Variants in GRIK1 observed in about 807,000 individuals in gnomAD.
GRIK1 encodes the protein glutamate receptor ionotropic, kainate 1.
A neutral mutation model predicts 105.7 loss-of-function variants in GRIK1; 69 were observed. The ratio of observed to expected loss-of-function variants is 0.65; its 90% CI spans 0.54 to 0.80. The LOEUF is 0.80. Among genes scored for constraint, GRIK1 ranks in the 30% least tolerant of loss-of-function variants. The pLI is 0.00. For missense variants in GRIK1, 1,109 were observed against 1,167.3 expected (o/e 0.95, Z 0.73); for synonymous variants, 438 against 431.3 (o/e 1.02, Z -0.19).
At chr21:29,711,880 T>C (rs977263320) in intron 1 of GRIK1, among the ~76,000 whole-genome samples, 2 of 151,884 alleles carry the variant, frequency 1.3e-5, no homozygotes, top group African/African-American at 4.8e-5. Flanking sequence ...AGCTCAAGTA[T>C]GTTACTGAAA....
chr21:29,559,986 A>T (rs2090351199), intron 15 of GRIK1, among the ~76,000 whole-genome samples: 1 of 152,104 alleles, frequency 6.6e-6, no homozygotes, highest in Non-Finnish European at 1.5e-5. Context: ...TGCTTTGCTC[A>T]CTTATGGTAT....
chr21:29,883,388 A>T (rs1416360224), intron 1 of GRIK1, among the ~76,000 whole-genome samples: 2 of 151,996 alleles, frequency 1.3e-5, no homozygotes, highest in Non-Finnish European at 2.9e-5. Context: ...AAGTATATAG[A>T]TTTGCAATGG....
At chr21:29,629,614 G>A (rs1244604172) in intron 7 of GRIK1, among the ~76,000 whole-genome samples, 2 of 151,582 alleles carry the variant, frequency 1.3e-5, no homozygotes, top group Non-Finnish European at 2.9e-5. Flanking sequence ...CTCAGCATCC[G>A]GAGTAGCTGG....
chr21:29,619,681 C>T (rs887545574), intron 7 of GRIK1, among the ~76,000 whole-genome samples: 2 of 152,096 alleles, frequency 1.3e-5, no homozygotes, highest in African/African-American at 2.4e-5. Flanking sequence ...AAAGGAAAAA[C>T]TCATATTCAA....
chr21:29,550,117 A>C, intron 16 of GRIK1, among the ~76,000 whole-genome samples: 1 of 132,218 alleles, frequency 7.6e-6, no homozygotes. Flanking sequence ...CAAAAAAAAA[A>C]AAAAAAAAAA....
intron 1 of GRIK1, among the ~76,000 whole-genome samples, chr21:29,919,525 C>T (rs546307281): frequency 2.0e-5 from 3 of 152,080 alleles, no homozygotes; most frequent in Non-Finnish European, 4.4e-5. Context: ...ATAGGTTATA[C>T]TTTCTTGAGC....
chr21:29,784,997 G>A (rs1182997922), intron 1 of GRIK1, among the ~76,000 whole-genome samples: 1 of 152,120 alleles, frequency 6.6e-6, no homozygotes, highest in Non-Finnish European at 1.5e-5. Context: ...TTTGACTTAG[G>A]TTTTAATAAT....
At chr21:29,661,505 C>T (rs528496105) in intron 4 of GRIK1, among the ~76,000 whole-genome samples, 15 of 152,088 alleles carry the variant, frequency 9.9e-5, no homozygotes, top group African/African-American at 2.9e-4. Context: ...GAGTGTGATG[C>T]GGGGCCACAA....
intron 1 of GRIK1, among the ~76,000 whole-genome samples, chr21:29,918,617 T>C (rs2086722637): frequency 6.6e-6 from 1 of 152,088 alleles, no homozygotes; most frequent in African/African-American, 2.4e-5. Context: ...TAATGTGAAA[T>C]GTGTGTGTGT....
At chr21:29,778,317 AT>A (rs1165201226) in intron 1 of GRIK1, among the ~76,000 whole-genome samples, 4 of 152,210 alleles carry the variant, frequency 2.6e-5, no homozygotes, top group African/African-American at 9.6e-5. Context: ...GATAAAGCCG[AT>A]TTGTTGTTTT....
At chr21:29,799,644 G>A (rs1400514424) in intron 1 of GRIK1, among the ~76,000 whole-genome samples, 2 of 152,056 alleles carry the variant, frequency 1.3e-5, no homozygotes, top group East Asian at 1.9e-4. Context: ...ATTCTCTTGC[G>A]TTAACCTCCC....
chr21:29,816,536 C>T (rs1412711166), intron 1 of GRIK1, among the ~76,000 whole-genome samples: 3 of 152,078 alleles, frequency 2.0e-5, no homozygotes, highest in Middle Eastern at 3.2e-3. Flanking sequence ...ATGGAATCAA[C>T]CCTCAGTGTC....
chr21:29,629,341 A>G (rs1360547459), intron 7 of GRIK1, among the ~76,000 whole-genome samples: 1 of 152,046 alleles, frequency 6.6e-6, no homozygotes, highest in Non-Finnish European at 1.5e-5. Context: ...TAGCAGAGGA[A>G]AAAAGATGGA....
intron 1 of GRIK1, among the ~76,000 whole-genome samples, chr21:29,813,230 T>C (rs1329488915): frequency 6.6e-6 from 1 of 152,184 alleles, no homozygotes; most frequent in Non-Finnish European, 1.5e-5. Context: ...ATTGTAAATA[T>C]TGACTTAACA....
In GRIK1 at chr21:29,839,997, C is replaced by T. The variant is rs539598457; in HGVS notation, c.118+99386G>A. 2.0e-5 allele frequency among the ~76,000 whole-genome samples: 3 copies of T among 152,226 alleles called. No homozygotes were observed. In the South Asian group the frequency reaches 6.2e-4, roughly 32 times the overall value. On this transcript the variant is annotated intron_variant, in intron 1 of 17. Transcript: ENST00000327783. ...AAGAAGACAGATTCTGACATTATCA[C>T]GAACTATTTTAATGGTCAGTGATGC...
intron 1 of GRIK1, among the ~76,000 whole-genome samples, chr21:29,877,495 A>G (rs2069232350): frequency 6.6e-6 from 1 of 152,196 alleles, no homozygotes; most frequent in African/African-American, 2.4e-5. Context: ...AATGAAATAT[A>G]TAAATCACTA....
At chr21:29,921,387 T>C (rs2071189252) in intron 1 of GRIK1, among the ~76,000 whole-genome samples, 1 of 152,212 alleles carries the variant, frequency 6.6e-6, no homozygotes, top group Non-Finnish European at 1.5e-5. Flanking sequence ...CAAGGCCCAC[T>C]AAGATTATTA....
chr21:29,554,783 A>C (rs973267429), intron 16 of GRIK1, among the ~76,000 whole-genome samples: 1 of 152,184 alleles, frequency 6.6e-6, no homozygotes, highest in African/African-American at 2.4e-5. Flanking sequence ...TTCAAAAATT[A>C]ACTGAGTTTG....
chr21:29,734,604 G>T (rs1259212497), intron 1 of GRIK1, among the ~76,000 whole-genome samples: 5 of 151,772 alleles, frequency 3.3e-5, no homozygotes, highest in African/African-American at 4.8e-5. Flanking sequence ...TCACCATGTT[G>T]CCCAAACTAG....
Sources: gnomAD v4.1 joint callset for allele counts (sites outside exome capture counted in the v4.1 genomes callset) on GRCh38, gnomAD v4.1.1 for gene constraint, MANE v1.5 for transcripts, NCBI Gene and HGNC (gene_info 2026-07-23, HGNC 2026-07-21) for gene names.